Variants in DKK3 observed in about 807,000 individuals in gnomAD.
DKK3 encodes the protein dickkopf Wnt signaling pathway inhibitor 3.
In DKK3, 22 loss-of-function variants were observed where a neutral mutation model predicts 33.2. That is an observed-to-expected ratio of 0.66 (90% CI 0.47 to 0.95). The LOEUF is 0.95. Ranked by LOEUF, DKK3 falls within the 40% of genes least tolerant of loss-of-function variation. The pLI, the probability that DKK3 is intolerant of heterozygous loss-of-function variation, is 0.00. For missense variants in DKK3, 398 were observed against 458.4 expected (o/e 0.87, Z 1.20); for synonymous variants, 194 against 188.8 (o/e 1.03, Z -0.23).
intron 3 of DKK3, among the ~76,000 whole-genome samples, chr11:11,987,706 T>G (rs1848100553): frequency 6.6e-6 from 1 of 152,258 alleles, no homozygotes; most frequent in East Asian, 1.9e-4. Context: ...TATAATTGTG[T>G]GACTCAGTGA....
At chr11:11,989,279 T>C (rs749101164) in intron 3 of DKK3, among the ~76,000 whole-genome samples, 2 of 152,208 alleles carry the variant, frequency 1.3e-5, no homozygotes, top group Non-Finnish European at 2.9e-5. Flanking sequence ...CATAGCAGCA[T>C]TATTCACAAT....
chr11:12,009,195 C>A (rs1055111612), upstream of DKK3: 8 of 985,318 alleles, frequency 8.1e-6, no homozygotes, highest in Admixed American at 1.8e-4. Flanking sequence ...AGTTGCGCTG[C>A]GGGCCGGACT....
intron 3 of DKK3, among the ~76,000 whole-genome samples, chr11:11,977,458 G>A (rs891669780): frequency 6.6e-6 from 1 of 151,338 alleles, no homozygotes; most frequent in South Asian, 2.1e-4. Context: ...CTTTCAGCCT[G>A]AGTGGCATTT....
chr11:12,007,624 T>C (rs577371219), intron 1 of DKK3, among the ~76,000 whole-genome samples: 9 of 152,372 alleles, frequency 5.9e-5, no homozygotes, highest in African/African-American at 2.2e-4. Context: ...TGCTAAATAC[T>C]GCGCACCTAT....
At chr11:11,967,786 G>A (rs1285076355) in intron 4 of DKK3, among the ~76,000 whole-genome samples, 1 of 152,244 alleles carries the variant, frequency 6.6e-6, no homozygotes, top group Non-Finnish European at 1.5e-5. Flanking sequence ...CCTTTGCCCT[G>A]GCTCCACATT....
At chr11:11,964,906 C>T (rs1217268736) in intron 6 of DKK3, among the ~76,000 whole-genome samples, 3 of 152,186 alleles carry the variant, frequency 2.0e-5, no homozygotes, top group Non-Finnish European at 4.4e-5. Context: ...GCAGCTTCCC[C>T]TCCTCCAGCG....
chr11:12,009,050 C>T, upstream of DKK3: 2 of 987,592 alleles, frequency 2.0e-6, no homozygotes, highest in Non-Finnish European at 2.4e-6. Context: ...TGGGGTGGAC[C>T]AAGCACAGGT....
rs1847506824 is a variant in DKK3, at chr11:11,963,517, T to C, written c.*947A>G. 1 of 152,272 alleles carries C rather than the reference T, an allele frequency of 6.6e-6. No homozygotes were observed. The highest frequency in any genetic ancestry group is 1.5e-5 in the Non-Finnish European group (1 of 68,062). 9.4% of individuals were successfully genotyped at this position (152,272 alleles called of 1,614,324 possible). The stretch of plus-strand genomic sequence containing the variant: ...ATGCAACTGCCAAAGAGGGACAGTG[T>C]CAATATCATTGTCTTCATTAGAAGG... On this transcript the variant is annotated 3_prime_UTR_variant, in exon 7 of 7. Coordinates refer to ENST00000683431, the MANE Select transcript of DKK3 (RefSeq NM_001018057.2).
chr11:12,004,061 G>A lies in DKK3; in HGVS notation c.214-1624C>T, dbSNP rs547956808. Among the ~76,000 whole-genome samples, 11 of 152,300 alleles carry A rather than the reference G, an allele frequency of 7.2e-5. 1 individual carries two copies. The highest frequency in any genetic ancestry group is 2.2e-4 in the African/African-American group (9 of 41,556). ...TAATAATTCTAAGAATAGCCCCCAC[G>A]TTTGGGGCATTGACTATGTCTGAAT... On this transcript the variant is annotated intron_variant, in intron 1 of 6. Transcript: ENST00000683431.
chr11:12,006,012 G>A (rs77988804), intron 1 of DKK3, among the ~76,000 whole-genome samples: 1 of 152,292 alleles, frequency 6.6e-6, no homozygotes, highest in African/African-American at 2.4e-5. Flanking sequence ...GTAATATGAT[G>A]ATAATGATAC....
At chr11:12,004,322 C>A (rs1478368521) in intron 1 of DKK3, among the ~76,000 whole-genome samples, 1 of 152,168 alleles carries the variant, frequency 6.6e-6, no homozygotes, top group Non-Finnish European at 1.5e-5. Context: ...TAGGGAACTA[C>A]AGCAAGTTCC....
At position 11,970,900 on chromosome 11, in the gene DKK3, A is replaced by G. The variant is rs532573784; in HGVS notation, c.436-2413T>C. On this transcript the variant is annotated intron_variant, in intron 3 of 6. Transcript: ENST00000683431. ...GACCTCCAGAACTGGAAAACAGTAAATTTGTGTTGTTTTAATCCAGTAAAT... is the reference window on the plus strand; with the variant it reads ...GACCTCCAGAACTGGAAAACAGTAAGTTTGTGTTGTTTTAATCCAGTAAAT... 2.0e-5 allele frequency among the ~76,000 whole-genome samples: 3 copies of G among 152,340 alleles called. No individual in the cohort carries two copies. The South Asian group carries it at 6.2e-4, about 32-fold the overall frequency.
At chr11:11,998,665 G>A (rs1848351877) in intron 3 of DKK3, 31 bp downstream of exon 3, 1 of 1,580,810 alleles carries the variant, frequency 6.3e-7, no homozygotes, top group South Asian at 1.1e-5. Flanking sequence ...GAGTGTGTCG[G>A]GGTGCAAGTA....
chr11:11,973,037 C>T (rs1490055252), intron 3 of DKK3, among the ~76,000 whole-genome samples: 1 of 152,066 alleles, frequency 6.6e-6, no homozygotes, highest in Non-Finnish European at 1.5e-5. Context: ...ACCTCTTAGC[C>T]CTGGGACCAG....
chr11:11,982,344 G>A (rs1213188179), intron 3 of DKK3, among the ~76,000 whole-genome samples: 5 of 152,070 alleles, frequency 3.3e-5, no homozygotes, highest in Admixed American at 1.3e-4. Flanking sequence ...CTAGGAGTTG[G>A]CAAGTTGGCA....
chr11:12,008,015 A>C lies in DKK3; in HGVS notation c.213+355T>G, dbSNP rs1363929060. 6.6e-6 allele frequency among the ~76,000 whole-genome samples: 1 copy of C among 152,176 alleles called. No homozygotes were observed. On this transcript the variant is annotated intron_variant, in intron 1 of 6. Transcript: ENST00000683431. This position sits in a 1 kb window ranked among gnomAD's most constrained non-coding sequence, Gnocchi z 4.6. Reference sequence around the variant, plus strand: ...TGGAGCTTGTCCCGGGTTTCTGTGAAACCACAGTGCTGGAATACCAGGGGC... The same window carrying C: ...TGGAGCTTGTCCCGGGTTTCTGTGACACCACAGTGCTGGAATACCAGGGGC...
chr11:11,975,640 A>G (rs1847817193), intron 3 of DKK3, among the ~76,000 whole-genome samples: 1 of 152,188 alleles, frequency 6.6e-6, no homozygotes, highest in Non-Finnish European at 1.5e-5. Context: ...AAGAGTCAGC[A>G]GTGTGGGTGA....
chr11:11,977,470 C>T lies in DKK3; in HGVS notation c.436-8983G>A, dbSNP rs193104755. Among the ~76,000 whole-genome samples, 61 of 152,070 alleles carry T rather than the reference C, an allele frequency of 4.0e-4. 1 individual carries two copies. Among genetic ancestry groups the T allele is most frequent in the African/African-American group, 1.4e-3 (58 of 41,472 alleles). On this transcript the variant is annotated intron_variant, in intron 3 of 6. Coordinates refer to ENST00000683431, the MANE Select transcript of DKK3 (RefSeq NM_001018057.2). ...ATTCTTTCAGCCTGAGTGGCATTTC[C>T]TCTGGAGAAGTTAGACGCATATTTA...
intron 3 of DKK3, chr11:11,980,016 CG>C: frequency 6.6e-6 from 1 of 152,376 alleles, no homozygotes; most frequent in Non-Finnish European, 1.5e-5. Flanking sequence ...CCCAGTGACC[CG>C]GGGAGAGGGA....
Sources: allele counts gnomAD v4.1 joint callset (sites outside exome capture counted in the v4.1 genomes callset), GRCh38; gene constraint gnomAD v4.1.1; non-coding constraint Gnocchi (gnomAD v3.1); transcripts MANE v1.5; gene names NCBI Gene and HGNC (gene_info 2026-07-23, HGNC 2026-07-21).